The following OPCML variants were observed in gnomAD, a reference collection of about 807,000 sequenced individuals.
The protein encoded by OPCML is opioid-binding protein/cell adhesion molecule.
A neutral mutation model predicts 37.8 loss-of-function variants in OPCML; 13 were observed. The observed-to-expected ratio is 0.34, with a 90% CI of 0.22 to 0.55. OPCML has a LOEUF of 0.55. Among genes scored for constraint, OPCML ranks in the 20% least tolerant of loss-of-function variants. The pLI, the probability that OPCML is intolerant of heterozygous loss-of-function variation, is 0.91. For missense variants in OPCML, 341 were observed against 435.6 expected, an observed-to-expected ratio of 0.78 and a Z score of 1.93; for synonymous variants, 176 against 168.8, an observed-to-expected ratio of 1.04 and a Z score of -0.33.
intron 2 of OPCML, among the ~76,000 whole-genome samples, chr11:132,906,204 CA>C (rs1286872882): frequency 6.6e-6 from 1 of 152,172 alleles, no homozygotes; most frequent in African/African-American, 2.4e-5. Context: ...CGTAGAAATG[CA>C]AAGGAATATT....
At chr11:133,063,874 T>C (rs1318629517) in intron 1 of OPCML, among the ~76,000 whole-genome samples, 1 of 152,162 alleles carries the variant, frequency 6.6e-6, no homozygotes, top group Non-Finnish European at 1.5e-5. Context: ...GGTTGGTGAT[T>C]ATTAATACCA....
intron 2 of OPCML, among the ~76,000 whole-genome samples, chr11:132,876,413 A>C (rs990030538): frequency 6.6e-6 from 1 of 152,224 alleles, no homozygotes; most frequent in African/African-American, 2.4e-5. Flanking sequence ...AGAGCTACCC[A>C]GGAAACATCA....
At chr11:133,096,154 GTT>G (rs60825627) in intron 1 of OPCML, among the ~76,000 whole-genome samples, 3 of 149,862 alleles carry the variant, frequency 2.0e-5, no homozygotes, top group African/African-American at 7.5e-5. Context: ...GTGTGTGTGT[GTT>G]TATGTGTAAG....
chr11:132,798,990 T>A (rs190693072), intron 2 of OPCML, among the ~76,000 whole-genome samples: 1 of 152,250 alleles, frequency 6.6e-6, no homozygotes, highest in African/African-American at 2.4e-5. Context: ...GCTCTGTTGT[T>A]CCATTTGTAG....
rs1175645816 is a variant in OPCML, at chr11:132,822,269, T to TC, written c.146+120656dup. ...CCCTCCTCACTCTCCCTCTCCCACCTCCCCCCACCGCTTGCCAGAGTCATC... is the reference window on the plus strand; with the variant it reads ...CCCTCCTCACTCTCCCTCTCCCACCTCCCCCCCACCGCTTGCCAGAGTCATC... On this transcript the variant is annotated intron_variant, in intron 2 of 7. Transcript: ENST00000524381. Among the ~76,000 whole-genome samples the TC allele has an allele frequency of 1.3e-5, 2 of 150,610 alleles. 1 individual carries two copies. The highest frequency in any genetic ancestry group is 3.0e-5 in the Non-Finnish European group (2 of 67,768).
chr11:133,323,213 C>T (rs896950187), intron 1 of OPCML, among the ~76,000 whole-genome samples: 2 of 152,152 alleles, frequency 1.3e-5, no homozygotes, highest in African/African-American at 4.8e-5. Context: ...GCTTCACAGT[C>T]CACATGAGGG....
At chr11:133,096,808 T>C (rs1387749930) in intron 1 of OPCML, among the ~76,000 whole-genome samples, 6 of 152,092 alleles carry the variant, frequency 3.9e-5, no homozygotes, top group Non-Finnish European at 7.4e-5. Context: ...TGGGGCAATA[T>C]ATAATCATAA....
chr11:132,893,381 C>A (rs1380443545), intron 2 of OPCML, among the ~76,000 whole-genome samples: 1 of 152,226 alleles, frequency 6.6e-6, no homozygotes, highest in East Asian at 1.9e-4. Flanking sequence ...GCCCCTGCCC[C>A]ACCCCGGTGC....
At chr11:133,423,395 C>T (rs1945933880) in intron 1 of OPCML, 1 of 985,190 alleles carries the variant, frequency 1.0e-6, no homozygotes, top group East Asian at 1.1e-4. Context: ...AGCTTCTTTC[C>T]CTAGGTAGGA....
At chr11:132,934,333 A>T (rs1009635026) in intron 2 of OPCML, among the ~76,000 whole-genome samples, 1 of 152,146 alleles carries the variant, frequency 6.6e-6, no homozygotes, top group African/African-American at 2.4e-5. Context: ...TACAGGGACT[A>T]AGACCCATTG....
At chr11:132,694,390 G>A (rs1943527439) in intron 2 of OPCML, among the ~76,000 whole-genome samples, 1 of 151,772 alleles carries the variant, frequency 6.6e-6, no homozygotes, top group South Asian at 2.1e-4. Flanking sequence ...GTAGAGGTGA[G>A]GTTTCACCAT....
intron 1 of OPCML, among the ~76,000 whole-genome samples, chr11:133,237,415 G>A (rs1940562046): frequency 6.6e-6 from 1 of 152,200 alleles, no homozygotes; most frequent in Non-Finnish European, 1.5e-5. Flanking sequence ...GAACGGTTAA[G>A]TGCAGTGAGG....
intron 1 of OPCML, among the ~76,000 whole-genome samples, chr11:133,273,685 C>T (rs149074779): frequency 6.6e-4 from 100 of 152,224 alleles, no homozygotes; most frequent in African/African-American, 2.0e-3. Flanking sequence ...CTCTTCCTTC[C>T]GCAGGAAGAA....
chr11:133,466,166 T>C (rs1946973658), intron 1 of OPCML, among the ~76,000 whole-genome samples: 1 of 152,024 alleles, frequency 6.6e-6, no homozygotes, highest in Non-Finnish European at 1.5e-5. Context: ...TCAAGAAGTA[T>C]GTAATGTACA....
At chr11:132,997,960 T>C (rs1946917897) in intron 1 of OPCML, among the ~76,000 whole-genome samples, 2 of 152,220 alleles carry the variant, frequency 1.3e-5, no homozygotes. Flanking sequence ...CACATCCTGC[T>C]GACATTGGGA....
At chr11:133,292,056 A>G (rs1388721899) in intron 1 of OPCML, among the ~76,000 whole-genome samples, 1 of 152,226 alleles carries the variant, frequency 6.6e-6, no homozygotes, top group East Asian at 1.9e-4. Context: ...GCAAAGCAGA[A>G]GCTATAAAAA....
intron 1 of OPCML, among the ~76,000 whole-genome samples, chr11:133,060,400 T>G (rs1275142113): frequency 6.6e-6 from 1 of 152,214 alleles, no homozygotes; most frequent in Non-Finnish European, 1.5e-5. Flanking sequence ...TCTGACACAA[T>G]AGCCGCATGC....
chr11:133,454,262 G>T (rs1347357673), intron 1 of OPCML, among the ~76,000 whole-genome samples: 3 of 152,192 alleles, frequency 2.0e-5, no homozygotes, highest in Non-Finnish European at 4.4e-5. Context: ...CTATGTCTCA[G>T]ATCTGAATTA....
At chr11:132,870,108 C>A (rs1374740399) in intron 2 of OPCML, among the ~76,000 whole-genome samples, 1 of 152,076 alleles carries the variant, frequency 6.6e-6, no homozygotes, top group African/African-American at 2.4e-5. Context: ...AACTACATAA[C>A]ATAGATATTA....
Sources: gnomAD v4.1 joint callset for allele counts (sites outside exome capture counted in the v4.1 genomes callset) on GRCh38, gnomAD v4.1.1 for gene constraint, MANE v1.5 for transcripts, NCBI Gene and HGNC (gene_info 2026-07-23, HGNC 2026-07-21) for gene names.